RLBP1: variants seen among roughly 807,000 people sequenced by gnomAD.
The protein encoded by RLBP1 is retinaldehyde binding protein 1, also known as retinaldehyde-binding protein 1.
A neutral mutation model predicts 36.2 loss-of-function variants in RLBP1; 26 were observed. That is an observed-to-expected ratio of 0.72 (90% confidence interval 0.53 to 1.00). The LOEUF (loss-of-function observed/expected upper bound fraction) is 1.00, where lower values mean the gene tolerates loss of function less well. Ranked by LOEUF, RLBP1 falls within the 50% of genes least tolerant of loss-of-function variation. The probability of loss-of-function intolerance (pLI) is 0.00; values close to 1 mark genes in which losing one functional copy is unlikely to be tolerated. For missense variants in RLBP1, 410 were observed against 402.4 expected (o/e 1.02, Z -0.16); for synonymous variants, 155 against 156.2 (o/e 0.99, Z 0.06).
rs1044319204 is a variant in RLBP1 at position 89,209,976 on chromosome 15, A to G, written c.*309T>C. 4 of 423,976 alleles carry G rather than the reference A, an allele frequency of 9.4e-6. No individual in the cohort carries two copies. The highest frequency in any genetic ancestry group is 6.0e-5 in the African/African-American group (3 of 49,988). The allele number at this position is 423,976 out of a possible 1,614,324, so 26.3% of individuals were successfully genotyped here. ...AGACTCTAAGTCGTAAAACTCTGTT[A>G]CAAAGGAAATGACTGAGAAAATGAA... On this transcript the variant is annotated 3_prime_UTR_variant, in exon 9 of 9. Coordinates refer to ENST00000268125, the MANE Select transcript of RLBP1 (RefSeq NM_000326.5).
chr15:89,215,189 G>T lies in RLBP1; in HGVS notation c.396C>A (p.Ser132=), dbSNP rs770677786. The T allele has an allele frequency of 6.2e-7, 1 of 1,614,030 alleles. No individual in the cohort carries two copies. Among genetic ancestry groups the T allele is most frequent in the African/African-American group, 1.3e-5 (1 of 74,930 alleles). The change falls in exon 6 of 9, where the codon TCC becomes TCA. Residue 132 remains serine, a synonymous_variant. Coordinates refer to ENST00000268125, the MANE Select transcript of RLBP1 (RefSeq NM_000326.5). ...LQYPELFDSL[S]PEAVRCTIEA... is the part of the protein sequence containing the mutation. ...CAATGGTGCAGCGGACAGCCTCTGG[G>T]GACAGGCTGTCAAAGAGCTCAGGGT...
In RLBP1 at chr15:89,214,021, A is replaced by G; in HGVS notation, c.525+1039T>C. Among the ~76,000 whole-genome samples the G allele has an allele frequency of 6.6e-6, 1 of 152,202 alleles. No individual in the cohort carries two copies. Among genetic ancestry groups the G allele is most frequent in the East Asian group, 1.9e-4 (1 of 5,202 alleles). On this transcript the variant is annotated intron_variant, in intron 6 of 8. Coordinates refer to ENST00000268125, the MANE Select transcript of RLBP1 (RefSeq NM_000326.5). The surrounding 1 kb of genome is among the most constrained non-coding windows in gnomAD (Gnocchi z 4.6). ...TATGATATTGGAGTATGAATAGATA[A>G]AGAGACCAATGGAACAGAATAGAAA...
chr15:89,215,254 C>T lies in RLBP1; in HGVS notation c.347-16G>A, dbSNP rs369795298. ...TTCACATAGCCTGGAGGAAGGAGAG[C>T]AGAGGAACCCCCTCAGGGAGCCATC... is the stretch of plus-strand genomic sequence containing the variant. On this transcript the variant is annotated splice_polypyrimidine_tract_variant and intron_variant, in intron 5 of 8. Coordinates refer to ENST00000268125, the MANE Select transcript of RLBP1 (RefSeq NM_000326.5). 5.6e-6 allele frequency: 9 copies of T among 1,613,880 alleles called. No homozygotes were observed. Among genetic ancestry groups the T allele is most frequent in the South Asian group, 1.1e-5 (1 of 91,070 alleles).
chr15:89,212,585 C>CAAAAA (rs112344412), intron 6 of RLBP1, among the ~76,000 whole-genome samples: 2 of 111,468 alleles, frequency 1.8e-5, no homozygotes, highest in Non-Finnish European at 3.8e-5. Flanking sequence ...AACTGTGTCT[C>CAAAAA]AAAAAAAAAA....
chr15:89,220,427 T>C (rs2051616839), intron 1 of RLBP1, among the ~76,000 whole-genome samples: 1 of 152,214 alleles, frequency 6.6e-6, no homozygotes, highest in Non-Finnish European at 1.5e-5. Flanking sequence ...TTCTAAAGCA[T>C]AGTTCCCCTT....
chr15:89,220,986 G>A (rs2051621509), intron 1 of RLBP1, among the ~76,000 whole-genome samples: 1 of 150,670 alleles, frequency 6.6e-6, no homozygotes, highest in South Asian at 2.1e-4. Flanking sequence ...AATACAGAAT[G>A]CCCAGTTAAA....
At position 89,211,567 on chromosome 15, in the gene RLBP1, T is replaced by G. The variant is rs1218266825; in HGVS notation, c.684+176A>C. ...CGATGGAAGAATGAAAGGGAATACT[T>G]GGCAAACTGTCAATCACTATGCAGG... On this transcript the variant is annotated intron_variant, in intron 7 of 8. Coordinates refer to ENST00000268125, the MANE Select transcript of RLBP1 (RefSeq NM_000326.5). This position sits in a 1 kb window ranked among gnomAD's most constrained non-coding sequence, Gnocchi z 5.8. 1.3e-5 allele frequency among the ~76,000 whole-genome samples: 2 copies of G among 152,218 alleles called. No individual in the cohort carries two copies. Among genetic ancestry groups the G allele is most frequent in the African/African-American group, 2.4e-5 (1 of 41,456 alleles).
At chr15:89,212,116 G>A (rs765532803) in intron 6 of RLBP1, among the ~76,000 whole-genome samples, 2 of 152,162 alleles carry the variant, frequency 1.3e-5, no homozygotes, top group Admixed American at 6.6e-5. Flanking sequence ...CAGTACTCTT[G>A]CAATAGTGGG....
rs776621804 is a variant in RLBP1, at chr15:89,214,393, G to A, written c.525+667C>T. Among the ~76,000 whole-genome samples the A allele has an allele frequency of 3.3e-5, 5 of 152,154 alleles. No homozygotes were observed. The highest frequency in any genetic ancestry group is 7.3e-5 in the Non-Finnish European group (5 of 68,032). Reference sequence around the variant, plus strand: ...TGAGGATCGCTCGAACCCAGGAGGCGGAGGTTGCAGTGAGCTAAGATCATG... The same window carrying A: ...TGAGGATCGCTCGAACCCAGGAGGCAGAGGTTGCAGTGAGCTAAGATCATG... On this transcript the variant is annotated intron_variant, in intron 6 of 8. Transcript: ENST00000268125. The surrounding 1 kb of genome is among the most constrained non-coding windows in gnomAD (Gnocchi z 4.6).
Position 89,211,813 on chromosome 15 carries a change from T to TGCA in RLBP1, c.613_614insTGC (p.Lys205delinsMetGln). 1 of 1,614,214 alleles carries TGCA rather than the reference T, an allele frequency of 6.2e-7. No homozygotes were observed. The highest frequency in any genetic ancestry group is 8.5e-7 in the Non-Finnish European group (1 of 1,180,026). Reference sequence around the variant, plus strand: ...AGCAGCCTGCTGCATGGTAAAGCCCTTGAAGTTCTCAATGATGCAGAAGCC... The same window carrying TGCA: ...AGCAGCCTGCTGCATGGTAAAGCCCTGCATGAAGTTCTCAATGATGCAGAAGCC... On this transcript the variant is annotated protein_altering_variant, in exon 7 of 9. Transcript: ENST00000268125. This position sits in a 1 kb window ranked among gnomAD's most constrained non-coding sequence, Gnocchi z 5.8.
chr15:89,216,601 C>T (rs1242056328), intron 5 of RLBP1, among the ~76,000 whole-genome samples: 2 of 152,218 alleles, frequency 1.3e-5, no homozygotes, highest in Non-Finnish European at 2.9e-5. Context: ...GGATTACAGG[C>T]GTGAGCCACC....
rs1280014567 is a variant in RLBP1 at position 89,210,185 on chromosome 15, A to G, written c.*100T>C. On this transcript the variant is annotated 3_prime_UTR_variant, in exon 9 of 9. Transcript: ENST00000268125. This position sits in a 1 kb window ranked among gnomAD's most constrained non-coding sequence, Gnocchi z 4.7. ...TCGGGCTTAGGGAGTCTAAGGGGGG[A>G]CCACAGTCATCTCAAGCAGCCCTTT... is the stretch of plus-strand genomic sequence containing the variant. 1 of 1,404,054 alleles carries G rather than the reference A, an allele frequency of 7.1e-7. No individual in the cohort carries two copies. Among genetic ancestry groups the G allele is most frequent in the Admixed American group, 1.7e-5 (1 of 59,692 alleles). The allele number at this position is 1,404,054 out of a possible 1,614,324, so 87.0% of individuals were successfully genotyped here.
chr15:89,215,382 T>C, intron 5 of RLBP1, 144 bp from the exon 6 acceptor site: 1 of 711,556 alleles, frequency 1.4e-6, no homozygotes. Flanking sequence ...GCCCCATGTT[T>C]CCTCTCCAAA....
chr15:89,216,995 G>A, intron 5 of RLBP1, 125 bp downstream of exon 5: 2 of 935,940 alleles, frequency 2.1e-6, no homozygotes, highest in East Asian at 2.6e-5. Context: ...TAAGGATGTG[G>A]AGGCTCAGAG....
chr15:89,215,268 C>G (rs758247594), intron 5 of RLBP1, 30 bp from the exon 6 acceptor site: 1 of 1,612,462 alleles, frequency 6.2e-7, no homozygotes, highest in South Asian at 1.1e-5. Context: ...GGAACCCCCT[C>G]AGGGAGCCAT....
At position 89,210,853 on chromosome 15, in the gene RLBP1, C is replaced by T. The variant is rs2051532411; in HGVS notation, c.685-44G>A. ...ACCCCGTTCCCCATGGCCCCAGTGACCTCAGAGGCTCCCACTCATTCCCTG... is the reference window on the plus strand; with the variant it reads ...ACCCCGTTCCCCATGGCCCCAGTGATCTCAGAGGCTCCCACTCATTCCCTG... On this transcript the variant is annotated intron_variant, in intron 7 of 8. Coordinates refer to ENST00000268125, the MANE Select transcript of RLBP1 (RefSeq NM_000326.5). This position sits in a 1 kb window ranked among gnomAD's most constrained non-coding sequence, Gnocchi z 4.7. 7.5e-7 allele frequency: 1 copy of T among 1,332,278 alleles called. No individual in the cohort carries two copies. Among genetic ancestry groups the T allele is most frequent in the Admixed American group, 2.0e-5 (1 of 50,536 alleles). The allele number at this position is 1,332,278 out of a possible 1,614,324, so 82.5% of individuals were successfully genotyped here.
In RLBP1 at chr15:89,217,168, TGAAGCGCAGGAA is replaced by T. The variant is rs786205626; in HGVS notation, c.286_297del (p.Phe96_Phe99del). The T allele has an allele frequency of 1.9e-6, 3 of 1,614,054 alleles. No homozygotes were observed. The highest frequency in any genetic ancestry group is 2.5e-6 in the Non-Finnish European group (3 of 1,180,034). ...CCCACGTTGAACTTCCGTGCGCGGA[TGAAGCGCAGGAA>T]GAAGCCGCTGTCCTTCTCTTGCACC... On this transcript the variant is annotated inframe_deletion, in exon 5 of 9. Transcript: ENST00000268125.
chr15:89,210,866 C>G lies in RLBP1; in HGVS notation c.685-57G>C. On this transcript the variant is annotated intron_variant, in intron 7 of 8. Coordinates refer to ENST00000268125, the MANE Select transcript of RLBP1 (RefSeq NM_000326.5). This position sits in a 1 kb window ranked among gnomAD's most constrained non-coding sequence, Gnocchi z 4.7. ...TGGCCCCAGTGACCTCAGAGGCTCCCACTCATTCCCTGCTGCCTCTCCTCA... is the reference window on the plus strand; with the variant it reads ...TGGCCCCAGTGACCTCAGAGGCTCCGACTCATTCCCTGCTGCCTCTCCTCA... The G allele has an allele frequency of 8.6e-7, 1 of 1,160,310 alleles. No individual in the cohort carries two copies. Among genetic ancestry groups the G allele is most frequent in the African/African-American group, 1.5e-5 (1 of 65,308 alleles). 71.9% of individuals were successfully genotyped at this position (1,160,310 alleles called of 1,614,324 possible).
Position 89,210,214 on chromosome 15 carries a change from A to T in RLBP1, c.*71T>A. On this transcript the variant is annotated 3_prime_UTR_variant, in exon 9 of 9. Transcript: ENST00000268125. This position sits in a 1 kb window ranked among gnomAD's most constrained non-coding sequence, Gnocchi z 4.7. ...CAGTCATCTCAAGCAGCCCTTTCCT[A>T]GCCTTGGGTCCAGGACAGTTGAGGA... The T allele has an allele frequency of 1.9e-6, 3 of 1,569,480 alleles. No homozygotes were observed. In the African/African-American group the frequency reaches 4.0e-5, roughly 21 times the overall value.
Sources: allele counts gnomAD v4.1 joint callset (sites outside exome capture counted in the v4.1 genomes callset), GRCh38; gene constraint gnomAD v4.1.1; non-coding constraint Gnocchi (gnomAD v3.1); transcripts MANE v1.5; gene names NCBI Gene and HGNC (gene_info 2026-07-23, HGNC 2026-07-21).